The following IL1RAPL1 variants were observed in gnomAD, a reference collection of about 807,000 sequenced individuals.
IL1RAPL1 encodes the protein interleukin-1 receptor accessory protein-like 1.
Under a neutral mutation model 48.4 loss-of-function variants are expected in IL1RAPL1, and 3 were observed. The observed-to-expected ratio is 0.06, with a 90% CI of 0.03 to 0.16. IL1RAPL1 has a LOEUF of 0.16. Ranked by LOEUF, IL1RAPL1 falls within the 10% of genes least tolerant of loss-of-function variation. The pLI is 1.00. For missense variants in IL1RAPL1, 349 were observed against 530.6 expected, an observed-to-expected ratio of 0.66 and a Z score of 3.36; for synonymous variants, 185 against 187.7, an observed-to-expected ratio of 0.99 and a Z score of 0.12.
At position 28,668,507 on chromosome X, in the gene IL1RAPL1, C is replaced by T. The variant is rs144970223; in HGVS notation, c.-25+80460C>T. Reference sequence around the variant, plus strand: ...ACTCCTGACCTCTGCATCCGCCCACCTCGGCCTCCCGAAGTGCTCGGGCTA... The same window carrying T: ...ACTCCTGACCTCTGCATCCGCCCACTTCGGCCTCCCGAAGTGCTCGGGCTA... On this transcript the variant is annotated intron_variant, in intron 1 of 10. Transcript: ENST00000378993. 3.6e-3 allele frequency among the ~76,000 whole-genome samples: 410 copies of T among 113,493 alleles called. 2 individuals carry two copies. Among genetic ancestry groups the T allele is most frequent in the African/African-American group, 0.012 (379 of 31,325 alleles).
intron 1 of IL1RAPL1, among the ~76,000 whole-genome samples, chrX:28,778,206 ACAT>A (rs1362181750): frequency 1.8e-5 from 2 of 112,360 alleles, no homozygotes; most frequent in Non-Finnish European, 3.8e-5. Flanking sequence ...CGTGTAACAA[ACAT>A]CATATATTAG....
intron 5 of IL1RAPL1, among the ~76,000 whole-genome samples, chrX:29,449,124 A>G (rs1410570880): frequency 9.0e-6 from 1 of 111,583 alleles, no homozygotes; most frequent in Non-Finnish European, 1.9e-5. Context: ...ACAACGATCC[A>G]ATGAAAGGTA....
intron 2 of IL1RAPL1, among the ~76,000 whole-genome samples, chrX:29,106,579 G>GA (rs1282949470): frequency 9.0e-6 from 1 of 111,364 alleles, no homozygotes; most frequent in Non-Finnish European, 1.9e-5. Context: ...GAAGATTCAT[G>GA]AAAAAAATAC....
intron 1 of IL1RAPL1, among the ~76,000 whole-genome samples, chrX:28,675,097 A>T (rs1335694647): frequency 8.9e-6 from 1 of 112,003 alleles, no homozygotes; most frequent in Non-Finnish European, 1.9e-5. Flanking sequence ...TTTAGTAGTG[A>T]GTATATATGG....
intron 1 of IL1RAPL1, among the ~76,000 whole-genome samples, chrX:28,778,853 G>A (rs927846740): frequency 3.6e-5 from 4 of 111,424 alleles, no homozygotes; most frequent in African/African-American, 1.3e-4. Flanking sequence ...ATATTCTGTG[G>A]CTTATAAAAA....
At chrX:28,663,779 A>G (rs1423705239) in intron 1 of IL1RAPL1, among the ~76,000 whole-genome samples, 1 of 112,126 alleles carries the variant, frequency 8.9e-6, no homozygotes, top group African/African-American at 3.2e-5. Context: ...AAGCTACACA[A>G]TAGATGAACC....
intron 2 of IL1RAPL1, among the ~76,000 whole-genome samples, chrX:28,960,004 A>G (rs1253509260): frequency 8.9e-6 from 1 of 112,243 alleles, no homozygotes; most frequent in Admixed American, 9.5e-5. Context: ...GGACCCAGGT[A>G]ACAAAGGAGA....
intron 2 of IL1RAPL1, among the ~76,000 whole-genome samples, chrX:28,993,694 C>A (rs892563698): frequency 1.8e-5 from 2 of 111,937 alleles, no homozygotes; most frequent in African/African-American, 6.5e-5. Context: ...TTTGCATTAT[C>A]TTTGAGTATT....
chrX:29,821,154 T>C (rs1601839622), intron 6 of IL1RAPL1, among the ~76,000 whole-genome samples: 2 of 112,016 alleles, frequency 1.8e-5, no homozygotes, highest in African/African-American at 6.5e-5. Flanking sequence ...TGCCCATTAG[T>C]AATTGATCAT....
At chrX:29,809,570 T>C (rs1191064801) in intron 6 of IL1RAPL1, among the ~76,000 whole-genome samples, 1 of 110,043 alleles carries the variant, frequency 9.1e-6, no homozygotes, top group African/African-American at 3.3e-5. Flanking sequence ...TTTAGTCATC[T>C]TTTTTTTTCT....
At chrX:29,447,611 G>C in intron 5 of IL1RAPL1, among the ~76,000 whole-genome samples, 1 of 112,078 alleles carries the variant, frequency 8.9e-6, no homozygotes, top group Middle Eastern at 4.6e-3. Context: ...TTCAACATAA[G>C]GCAGGTGTCT....
At chrX:29,840,560 T>A (rs1437329217) in intron 6 of IL1RAPL1, among the ~76,000 whole-genome samples, 2 of 112,179 alleles carry the variant, frequency 1.8e-5, no homozygotes, top group African/African-American at 6.5e-5. Context: ...CCTCTATTAT[T>A]TTATAGATTA....
rs1173370414 is a variant in IL1RAPL1, at chrX:28,662,076, C to CT, written c.-25+74039dup. Among the ~76,000 whole-genome samples, 28 of 106,474 alleles carry CT rather than the reference C, an allele frequency of 2.6e-4. No homozygotes were observed. The East Asian group carries it at 5.3e-3, about 20-fold the overall frequency. 92.5% of individuals were successfully genotyped at this position (106,474 alleles called of 115,157 possible). On this transcript the variant is annotated intron_variant, in intron 1 of 10. Coordinates refer to ENST00000378993, the MANE Select transcript of IL1RAPL1 (RefSeq NM_014271.4). ...CTTCTTTGCTCCTTCAGGTGTTAAC[C>CT]TTTTTTTTTTAGATGGTGGTTGATT...
intron 2 of IL1RAPL1, among the ~76,000 whole-genome samples, chrX:29,045,799 T>C (rs1926943399): frequency 9.0e-6 from 1 of 111,530 alleles, no homozygotes; most frequent in Admixed American, 9.6e-5. Context: ...GCTTTTGACA[T>C]GCTACTTATT....
At chrX:29,300,072 C>T (rs1459983585) in intron 3 of IL1RAPL1, among the ~76,000 whole-genome samples, 1 of 111,751 alleles carries the variant, frequency 8.9e-6, no homozygotes, top group Non-Finnish European at 1.9e-5. Flanking sequence ...AGTTCCTCAA[C>T]AAAAGCAGAT....
intron 5 of IL1RAPL1, among the ~76,000 whole-genome samples, chrX:29,620,915 C>T (rs970830294): frequency 4.2e-4 from 47 of 112,104 alleles, no homozygotes; most frequent in African/African-American, 1.5e-3. Context: ...TATAAGTTAA[C>T]AAAGGGCTGT....
In IL1RAPL1 at chrX:28,949,126, G is replaced by T. The variant is rs190349476; in HGVS notation, c.82+159701G>T. On this transcript the variant is annotated intron_variant, in intron 2 of 10. Transcript: ENST00000378993. ...TAGTAGAGTGCTTTAGGTTAGGAATGAACACAATTAACACTTCAGACAGTC... is the reference window on the plus strand; with the variant it reads ...TAGTAGAGTGCTTTAGGTTAGGAATTAACACAATTAACACTTCAGACAGTC... Among the ~76,000 whole-genome samples, 129 of 110,406 alleles carry T rather than the reference G, an allele frequency of 1.2e-3. 1 individual carries two copies. The highest frequency in any genetic ancestry group is 4.0e-3 in the African/African-American group (122 of 30,491).
chrX:29,024,269 GTTTAC>G (rs1926435341), intron 2 of IL1RAPL1, among the ~76,000 whole-genome samples: 2 of 111,405 alleles, frequency 1.8e-5, no homozygotes, highest in South Asian at 7.4e-4. Context: ...TGTCCGGTGT[GTTTAC>G]TTAAGTTATT....
At chrX:29,729,112 G>C (rs986450482) in intron 6 of IL1RAPL1, among the ~76,000 whole-genome samples, 1 of 111,350 alleles carries the variant, frequency 9.0e-6, no homozygotes, top group African/African-American at 3.3e-5. Context: ...ACATCATATA[G>C]TCAGTTATAT....
Sources: allele counts gnomAD v4.1 joint callset (sites outside exome capture counted in the v4.1 genomes callset), GRCh38; gene constraint gnomAD v4.1.1; transcripts MANE v1.5; gene names NCBI Gene and HGNC (gene_info 2026-07-23, HGNC 2026-07-21).